CLDN10: variants seen among roughly 807,000 people sequenced by gnomAD.
CLDN10 encodes the protein claudin-10.
CLDN10 carries 15 observed loss-of-function variants against 22.9 expected under a neutral mutation model. That is an observed-to-expected ratio of 0.65 (90% CI 0.44 to 1.01). CLDN10 has a LOEUF of 1.01. CLDN10 is among the 50% of genes least tolerant of loss of function. The pLI is 0.00. For synonymous variants in CLDN10, 114 were observed against 111.4 expected, an observed-to-expected ratio of 1.02 and a Z score of -0.15; for missense variants, 247 against 287.8, an observed-to-expected ratio of 0.86 and a Z score of 1.03.
chr13:95,464,957 C>G (rs2042569989), intron 1 of CLDN10, among the ~76,000 whole-genome samples: 1 of 152,122 alleles, frequency 6.6e-6, no homozygotes. Context: ...AAACTCCTGA[C>G]CTCAAGTCAT....
intron 1 of CLDN10, among the ~76,000 whole-genome samples, chr13:95,464,305 A>G (rs376214118): frequency 6.6e-6 from 1 of 151,842 alleles, no homozygotes; most frequent in Non-Finnish European, 1.5e-5. Context: ...TCCTTGTCCA[A>G]GTGTTCTCAT....
chr13:95,518,850 AC>A (rs1371086147), intron 1 of CLDN10, among the ~76,000 whole-genome samples: 20 of 152,332 alleles, frequency 1.3e-4, no homozygotes, highest in South Asian at 8.3e-4. Context: ...TGCAACATGG[AC>A]CCTAGGTAAC....
chr13:95,523,141 C>A (rs9561895), intron 1 of CLDN10, among the ~76,000 whole-genome samples: 1 of 151,558 alleles, frequency 6.6e-6, no homozygotes, highest in Non-Finnish European at 1.5e-5. Flanking sequence ...CCTTTCTTTC[C>A]GTCTTTTGTA....
At chr13:95,456,820 A>G (rs1233508931) in intron 1 of CLDN10, among the ~76,000 whole-genome samples, 1 of 152,252 alleles carries the variant, frequency 6.6e-6, no homozygotes, top group Non-Finnish European at 1.5e-5. Context: ...TCTCCTATGC[A>G]TAAGGCATTT....
intron 1 of CLDN10, among the ~76,000 whole-genome samples, chr13:95,495,361 T>A (rs936199904): frequency 6.6e-6 from 1 of 151,810 alleles, no homozygotes. Flanking sequence ...TAGCAAATAT[T>A]TATTGGGTAT....
chr13:95,509,320 G>A (rs1487094156), intron 1 of CLDN10, among the ~76,000 whole-genome samples: 1 of 152,174 alleles, frequency 6.6e-6, no homozygotes, highest in Non-Finnish European at 1.5e-5. Flanking sequence ...TGCTAGGTCT[G>A]TTTACAATGG....
At chr13:95,562,511 A>T (rs1166004635) in intron 3 of CLDN10, among the ~76,000 whole-genome samples, 1 of 152,244 alleles carries the variant, frequency 6.6e-6, no homozygotes, top group Non-Finnish European at 1.5e-5. Flanking sequence ...GTCCTAATTT[A>T]TTAATTTTCT....
intron 1 of CLDN10, among the ~76,000 whole-genome samples, chr13:95,512,904 C>T (rs2043119787): frequency 6.6e-6 from 1 of 152,160 alleles, no homozygotes; most frequent in South Asian, 2.1e-4. Context: ...GAGACAGGGT[C>T]TCTCTCTGTT....
chr13:95,477,436 G>A lies in CLDN10; in HGVS notation c.214+43389G>A, dbSNP rs187140747. Among the ~76,000 whole-genome samples, 135 of 152,240 alleles carry A rather than the reference G, an allele frequency of 8.9e-4. 1 individual carries two copies. The highest frequency in any genetic ancestry group is 6.8e-3 in the Middle Eastern group (2 of 294). On this transcript the variant is annotated intron_variant, in intron 1 of 4. Transcript: ENST00000376873. ...GGAATTGGTTGGGATGCGAGCTCTGGGTTGGTTTTCATTTGAAAAGCATAT... is the reference window on the plus strand; with the variant it reads ...GGAATTGGTTGGGATGCGAGCTCTGAGTTGGTTTTCATTTGAAAAGCATAT...
At chr13:95,505,887 T>C (rs1276804491) in intron 1 of CLDN10, among the ~76,000 whole-genome samples, 4 of 151,772 alleles carry the variant, frequency 2.6e-5, no homozygotes, top group Non-Finnish European at 5.9e-5. Context: ...CCCAAGTATC[T>C]GGGATTACAG....
chr13:95,478,514 G>A (rs535632740), intron 1 of CLDN10, among the ~76,000 whole-genome samples: 8 of 152,308 alleles, frequency 5.3e-5, no homozygotes, highest in African/African-American at 1.7e-4. Flanking sequence ...CCAGAGAACA[G>A]AGAAACAGAG....
intron 1 of CLDN10, among the ~76,000 whole-genome samples, chr13:95,463,861 A>C (rs2042560399): frequency 6.6e-6 from 1 of 151,956 alleles, no homozygotes; most frequent in Admixed American, 6.6e-5. Context: ...TAGGGCTATC[A>C]TTTCTTTGTG....
intron 1 of CLDN10, among the ~76,000 whole-genome samples, chr13:95,479,212 G>T (rs2042717198): frequency 6.6e-6 from 1 of 152,120 alleles, no homozygotes; most frequent in South Asian, 2.1e-4. Context: ...AGCCGGGTGT[G>T]GTGGCGGGTG....
At chr13:95,555,990 C>T (rs1390237594) in intron 1 of CLDN10, among the ~76,000 whole-genome samples, 1 of 151,962 alleles carries the variant, frequency 6.6e-6, no homozygotes, top group African/African-American at 2.4e-5. Flanking sequence ...TCTTGCCTAT[C>T]TTGTGTTAGG....
At position 95,519,355 on chromosome 13, in the gene CLDN10, G is replaced by A. The variant is rs916265172; in HGVS notation, c.215-40777G>A. 9.9e-5 allele frequency among the ~76,000 whole-genome samples: 15 copies of A among 152,158 alleles called. No individual in the cohort carries two copies. The South Asian group carries it at 3.1e-3, about 32-fold the overall frequency. ...CTTTCTCTCATGTCTGGTCACAAAA[G>A]GGCTGCCGCCGCCATTGCATCCATG... On this transcript the variant is annotated intron_variant, in intron 1 of 4. Coordinates refer to the CLDN10 transcript ENST00000376873.
At chr13:95,497,661 C>G (rs1351779344) in intron 1 of CLDN10, among the ~76,000 whole-genome samples, 2 of 152,206 alleles carry the variant, frequency 1.3e-5, no homozygotes, top group Admixed American at 1.3e-4. Context: ...ACAAATGTCC[C>G]CTGCAATTTC....
chr13:95,551,352 A>G (rs1386772874), upstream of CLDN10, among the ~76,000 whole-genome samples: 1 of 152,230 alleles, frequency 6.6e-6, no homozygotes, highest in African/African-American at 2.4e-5. Context: ...TGAAGGGTGG[A>G]GCATGGGCTA....
At chr13:95,486,977 T>G (rs184933784) in intron 1 of CLDN10, among the ~76,000 whole-genome samples, 6 of 152,320 alleles carry the variant, frequency 3.9e-5, no homozygotes, top group Middle Eastern at 3.4e-3. Flanking sequence ...AGTGGAGATT[T>G]TGCTGTTGTC....
At chr13:95,491,533 G>C (rs1371167919) in intron 1 of CLDN10, among the ~76,000 whole-genome samples, 1 of 151,860 alleles carries the variant, frequency 6.6e-6, no homozygotes, top group Non-Finnish European at 1.5e-5. Flanking sequence ...TTTTCTGTAA[G>C]CTATCTATTT....
Sources: gnomAD v4.1 joint callset for allele counts (sites outside exome capture counted in the v4.1 genomes callset) on GRCh38, gnomAD v4.1.1 for gene constraint, MANE v1.5 for transcripts, NCBI Gene and HGNC (gene_info 2026-07-23, HGNC 2026-07-21) for gene names.